Variants in KMT2C observed in about 807,000 individuals in gnomAD.
KMT2C encodes lysine methyltransferase 2C, also known as histone-lysine N-methyltransferase 2C.
KMT2C carries 88 observed loss-of-function variants against 507.9 expected under a neutral mutation model. The observed-to-expected ratio is 0.17, with a 90% CI of 0.15 to 0.21. The LOEUF (loss-of-function observed/expected upper bound fraction) is 0.21. Ranked by LOEUF, KMT2C falls within the 10% of genes least tolerant of loss-of-function variation. KMT2C has a pLI of 1.00. For synonymous variants in KMT2C, 2,049 were observed against 2,080.8 expected, an observed-to-expected ratio of 0.98 and a Z score of 0.42; for missense variants, 4,954 against 5,957.8, an observed-to-expected ratio of 0.83 and a Z score of 5.55.
At chr7:152,431,754 A>AG (rs2097864319) in intron 1 of KMT2C, among the ~76,000 whole-genome samples, 1 of 151,048 alleles carries the variant, frequency 6.6e-6, no homozygotes, top group Non-Finnish European at 1.5e-5. Flanking sequence ...TGAGTCCCAG[A>AG]GACCAATAAT....
At chr7:152,372,112 T>C (rs1309859630) in intron 1 of KMT2C, among the ~76,000 whole-genome samples, 3 of 152,140 alleles carry the variant, frequency 2.0e-5, no homozygotes. Flanking sequence ...TCAATAATTA[T>C]TTTAAATGAA....
At chr7:152,379,404 G>T (rs534791828) in intron 1 of KMT2C, among the ~76,000 whole-genome samples, 1 of 152,188 alleles carries the variant, frequency 6.6e-6, no homozygotes, top group South Asian at 2.1e-4. Context: ...CAGGCGTGGT[G>T]GTGGGCACCT....
chr7:152,162,744 T>C lies in KMT2C; in HGVS notation c.10833A>G (p.Lys3611=), dbSNP rs1268774047. 6.2e-7 allele frequency: 1 copy of C among 1,614,070 alleles called. No homozygotes were observed. The highest frequency in any genetic ancestry group is 8.5e-7 in the Non-Finnish European group (1 of 1,180,030). The change falls in exon 43 of 59, where the codon AAA becomes AAG. Residue 3611 remains lysine, a synonymous_variant. Coordinates refer to ENST00000262189, the MANE Select transcript of KMT2C (RefSeq NM_170606.3). The part of the protein sequence containing the change: ...KGKKKRTRKK[K]RDDDAESTKA... ...TGGTGGATTCTGCATCATCATCTCT[T>C]TTCTTCTTTCTTGTTCTTTTCTTTT...
At chr7:152,392,096 C>A (rs2097503520) in intron 1 of KMT2C, among the ~76,000 whole-genome samples, 1 of 152,192 alleles carries the variant, frequency 6.6e-6, no homozygotes, top group Non-Finnish European at 1.5e-5. Context: ...CCTATATACA[C>A]TATGTTTTAT....
chr7:152,152,569 A>G, intron 49 of KMT2C, 136 bp downstream of exon 49: 1 of 1,047,688 alleles, frequency 9.5e-7, no homozygotes, highest in Non-Finnish European at 1.4e-6. Context: ...GAACACCCAC[A>G]CATGGTAAGT....
intron 18 of KMT2C, among the ~76,000 whole-genome samples, chr7:152,229,107 G>GT (rs1203888603): frequency 1.3e-5 from 2 of 152,152 alleles, no homozygotes; most frequent in Non-Finnish European, 2.9e-5. Context: ...GGGGAGAAAG[G>GT]TATAAAAATC....
chr7:152,146,780 G>A (rs113253956), intron 52 of KMT2C, 45 bp from the exon 53 acceptor site: 16 of 1,559,482 alleles, frequency 1.0e-5, no homozygotes, highest in African/African-American at 9.5e-5. Flanking sequence ...ATAGGATACA[G>A]TATAAAAAAC....
At position 152,147,729 on chromosome 7, in the gene KMT2C, GA is replaced by G. The variant is rs1022769998; in HGVS notation, c.13894+303del. Among the ~76,000 whole-genome samples, 19 of 114,716 alleles carry G rather than the reference GA, an allele frequency of 1.7e-4. No homozygotes were observed. The South Asian group carries it at 5.1e-3, about 31-fold the overall frequency. The allele number at this position is 114,716 out of a possible 152,430, so 75.3% of individuals were successfully genotyped here. A position where few individuals can be genotyped will look rare whatever the true frequency, so the allele number is the denominator to read the frequency against. ...TCTCAAAAAAAAAAAAAAAAAAAAA[GA>G]AAAAGAAAAAGAAAAAGGAGGTCCC... On this transcript the variant is annotated intron_variant, in intron 52 of 58. Coordinates refer to ENST00000262189, the MANE Select transcript of KMT2C (RefSeq NM_170606.3).
At chr7:152,157,659 G>T (rs2092156089) in intron 44 of KMT2C, 3 of 693,542 alleles carry the variant, frequency 4.3e-6, no homozygotes, top group Non-Finnish European at 5.6e-6. Context: ...ATAAAACTTG[G>T]AAGAGTAGAT....
In KMT2C at chr7:152,366,926, G is replaced by A. The variant is rs541475203; in HGVS notation, c.162-8251C>T. On this transcript the variant is annotated intron_variant, in intron 1 of 58. Coordinates refer to ENST00000262189, the MANE Select transcript of KMT2C (RefSeq NM_170606.3). Reference sequence around the variant, plus strand: ...TGGCGCTGCGAGCCAACGGGCCGGCGCCTGGCGGGCACGATCGCAAGGTCG... The same window carrying A: ...TGGCGCTGCGAGCCAACGGGCCGGCACCTGGCGGGCACGATCGCAAGGTCG... 364 of 465,544 alleles carry A rather than the reference G, an allele frequency of 7.8e-4. 4 individuals are homozygous for A. Among genetic ancestry groups the A allele is most frequent in the Admixed American group, 2.0e-3 (52 of 25,532 alleles). 28.8% of individuals were successfully genotyped at this position (465,544 alleles called of 1,614,324 possible).
chr7:152,258,316 T>C (rs1242736129), intron 9 of KMT2C, among the ~76,000 whole-genome samples: 3 of 152,116 alleles, frequency 2.0e-5, no homozygotes, highest in African/African-American at 4.8e-5. Context: ...TTGTAAATGA[T>C]TGAAGATAAT....
At chr7:152,142,328 G>A (rs886512115) in intron 55 of KMT2C, among the ~76,000 whole-genome samples, 1 of 152,186 alleles carries the variant, frequency 6.6e-6, no homozygotes, top group Non-Finnish European at 1.5e-5. Context: ...AATGGACAAA[G>A]GATATGAATA....
intron 2 of KMT2C, among the ~76,000 whole-genome samples, chr7:152,334,439 C>G (rs1319059077): frequency 6.6e-6 from 1 of 152,088 alleles, no homozygotes; most frequent in Non-Finnish European, 1.5e-5. Flanking sequence ...GCAACAAGAG[C>G]AAAACTCCGT....
At chr7:152,143,764 G>A (rs1474690290) in intron 55 of KMT2C, among the ~76,000 whole-genome samples, 2 of 152,208 alleles carry the variant, frequency 1.3e-5, no homozygotes, top group Admixed American at 6.5e-5. Context: ...TCAATAAAGA[G>A]AAGATCCTAC....
intron 2 of KMT2C, among the ~76,000 whole-genome samples, chr7:152,339,171 CTACTT>C (rs2096967085): frequency 6.6e-6 from 1 of 152,120 alleles, no homozygotes; most frequent in Admixed American, 6.6e-5. Flanking sequence ...TCAAAGCGTC[CTACTT>C]TTTCAATGGA....
intron 1 of KMT2C, among the ~76,000 whole-genome samples, chr7:152,415,070 T>C (rs1412859714): frequency 6.6e-6 from 1 of 152,100 alleles, no homozygotes; most frequent in East Asian, 1.9e-4. Flanking sequence ...GATTTTGAAA[T>C]CCTGAGCTCA....
At chr7:152,427,218 C>T (rs1029601381) in intron 1 of KMT2C, among the ~76,000 whole-genome samples, 4 of 151,996 alleles carry the variant, frequency 2.6e-5, no homozygotes, top group African/African-American at 9.7e-5. Flanking sequence ...GTTTCACCAT[C>T]TTGGCCAGGC....
intron 1 of KMT2C, among the ~76,000 whole-genome samples, chr7:152,385,606 C>T (rs571137223): frequency 1.9e-5 from 1 of 51,308 alleles, no homozygotes; most frequent in Admixed American, 2.7e-4. Context: ...AGCGAGACTC[C>T]GTCTCAAAAA....
intron 7 of KMT2C, among the ~76,000 whole-genome samples, chr7:152,271,232 GA>G (rs1011524514): frequency 1.3e-5 from 2 of 151,926 alleles, no homozygotes; most frequent in African/African-American, 2.4e-5. Context: ...ATTAGGATAG[GA>G]AAAAATATTT....
Sources: allele counts gnomAD v4.1 joint callset (sites outside exome capture counted in the v4.1 genomes callset), GRCh38; gene constraint gnomAD v4.1.1; transcripts MANE v1.5; gene names NCBI Gene and HGNC (gene_info 2026-07-23, HGNC 2026-07-21).